PLPPR5: variants seen among roughly 807,000 people sequenced by gnomAD.
The protein encoded by PLPPR5 is phospholipid phosphatase related 5.
Under a neutral mutation model 33.9 loss-of-function variants are expected in PLPPR5, and 16 were observed. The ratio of observed to expected loss-of-function variants is 0.47; its 90% CI spans 0.32 to 0.72. The LOEUF (loss-of-function observed/expected upper bound fraction) is 0.72. Among genes scored for constraint, PLPPR5 ranks in the 30% least tolerant of loss-of-function variants. The probability of loss-of-function intolerance (pLI) is 0.03; values close to 1 mark genes in which losing one functional copy is unlikely to be tolerated. For synonymous variants in PLPPR5, 163 were observed against 150.3 expected, an observed-to-expected ratio of 1.08 and a Z score of -0.62; for missense variants, 301 against 406.7, an observed-to-expected ratio of 0.74 and a Z score of 2.23.
intron 1 of PLPPR5, among the ~76,000 whole-genome samples, chr1:98,993,428 A>G (rs1025397392): frequency 6.6e-6 from 1 of 152,082 alleles, no homozygotes; most frequent in Non-Finnish European, 1.5e-5. Flanking sequence ...TTCATGTGAT[A>G]AGGAGCCAGA....
intron 1 of PLPPR5, among the ~76,000 whole-genome samples, chr1:98,988,842 C>G (rs997072827): frequency 6.6e-6 from 1 of 152,054 alleles, no homozygotes; most frequent in Non-Finnish European, 1.5e-5. Flanking sequence ...TCAATCGGTG[C>G]CTTCTGTGGG....
At chr1:98,919,789 G>A (rs571652415) in intron 4 of PLPPR5, among the ~76,000 whole-genome samples, 1 of 152,232 alleles carries the variant, frequency 6.6e-6, no homozygotes. Context: ...TAGGGTAAAA[G>A]GAACTGAGAG....
intron 3 of PLPPR5, among the ~76,000 whole-genome samples, chr1:98,939,072 T>C (rs1650281505): frequency 6.6e-6 from 1 of 152,052 alleles, no homozygotes; most frequent in Non-Finnish European, 1.5e-5. Flanking sequence ...ACAAACCCCA[T>C]GACACATGTT....
intron 3 of PLPPR5, among the ~76,000 whole-genome samples, chr1:98,938,967 C>T (rs183618347): frequency 6.6e-6 from 1 of 152,038 alleles, no homozygotes; most frequent in Non-Finnish European, 1.5e-5. Context: ...ACACTGGGGC[C>T]TATTGGAGAG....
chr1:98,963,014 G>A (rs1651303078), intron 1 of PLPPR5, among the ~76,000 whole-genome samples: 1 of 152,118 alleles, frequency 6.6e-6, no homozygotes, highest in Non-Finnish European at 1.5e-5. Flanking sequence ...AATTTCATAA[G>A]AGATCATTTA....
rs574714492 is a variant in PLPPR5, at chr1:98,983,578, T to C, written c.237+20857A>G. ...TGCATGTGTCTTTATAGCAGCATGA[T>C]TTATAGTCCTTTGGGTATATACCCA... On this transcript the variant is annotated intron_variant, in intron 1 of 5. Transcript: ENST00000263177. Among the ~76,000 whole-genome samples, 1,469 of 151,172 alleles carry C rather than the reference T, an allele frequency of 9.7e-3. 20 individuals are homozygous for C. The highest frequency in any genetic ancestry group is 0.033 in the African/African-American group (1,372 of 41,124).
At chr1:98,919,754 A>G (rs935564374) in intron 4 of PLPPR5, among the ~76,000 whole-genome samples, 1 of 152,200 alleles carries the variant, frequency 6.6e-6, no homozygotes, top group Non-Finnish European at 1.5e-5. Context: ...TCCTGCAAAT[A>G]CATTTTCAAA....
chr1:98,907,885 T>C (rs1648965975), intron 5 of PLPPR5, among the ~76,000 whole-genome samples: 1 of 152,062 alleles, frequency 6.6e-6, no homozygotes, highest in African/African-American at 2.4e-5. Flanking sequence ...ATTCCAGGAG[T>C]ATGTGCAATC....
intron 3 of PLPPR5, among the ~76,000 whole-genome samples, chr1:98,934,239 G>A (rs1222788060): frequency 2.0e-5 from 3 of 152,126 alleles, no homozygotes; most frequent in Non-Finnish European, 2.9e-5. Context: ...ATATAGTGAG[G>A]GAGCAGAGCA....
rs1341410135 is a variant in PLPPR5 at position 98,892,528 on chromosome 1, A to G, written c.*544T>C. On this transcript the variant is annotated 3_prime_UTR_variant, in exon 6 of 6. Coordinates refer to ENST00000263177, the MANE Select transcript of PLPPR5 (RefSeq NM_001037317.2). Reference sequence around the variant, plus strand: ...ATGTGGAAACATTATTTTACTATAGAACATACTTTCTAAAAATAAAGTAAT... The same window carrying G: ...ATGTGGAAACATTATTTTACTATAGGACATACTTTCTAAAAATAAAGTAAT... 1.3e-5 allele frequency: 2 copies of G among 149,978 alleles called. No individual in the cohort carries two copies. Among genetic ancestry groups the G allele is most frequent in the Non-Finnish European group, 3.0e-5 (2 of 66,722 alleles). The allele number at this position is 149,978 out of a possible 1,614,324, so 9.3% of individuals were successfully genotyped here. A position where few individuals can be genotyped will look rare whatever the true frequency, so the allele number is the denominator to read the frequency against.
At chr1:98,994,926 A>G (rs995728817) in intron 1 of PLPPR5, among the ~76,000 whole-genome samples, 2 of 152,170 alleles carry the variant, frequency 1.3e-5, no homozygotes, top group Admixed American at 6.6e-5. Context: ...TAATCATTAG[A>G]GAAATCCAAA....
At chr1:99,001,432 A>G (rs1429966301) in intron 1 of PLPPR5, among the ~76,000 whole-genome samples, 1 of 151,254 alleles carries the variant, frequency 6.6e-6, no homozygotes. Context: ...ACCGCAACCG[A>G]CCCCCAACTC....
intron 1 of PLPPR5, among the ~76,000 whole-genome samples, chr1:98,969,161 T>C (rs1309891741): frequency 6.6e-6 from 1 of 151,836 alleles, no homozygotes; most frequent in Non-Finnish European, 1.5e-5. Flanking sequence ...AGCTAGCATC[T>C]CAGAAACACT....
At chr1:98,928,966 T>A (rs78896662) in intron 3 of PLPPR5, among the ~76,000 whole-genome samples, 5,879 of 152,248 alleles carry the variant, frequency 0.039, 196 homozygotes, top group African/African-American at 0.09. Context: ...ACTTTTTAAA[T>A]ATGTTACTTC....
intron 1 of PLPPR5, among the ~76,000 whole-genome samples, chr1:98,979,302 A>G (rs1651974870): frequency 2.0e-5 from 3 of 152,144 alleles, no homozygotes; most frequent in Admixed American, 1.3e-4. Flanking sequence ...GTTATGTTCT[A>G]ATTTAAGCTC....
chr1:98,977,465 T>C (rs908408294), intron 1 of PLPPR5, among the ~76,000 whole-genome samples: 6 of 150,996 alleles, frequency 4.0e-5, no homozygotes, highest in Admixed American at 2.7e-4. Flanking sequence ...ATTGGTTCTA[T>C]GAATGTATGC....
At chr1:98,976,524 C>T (rs1651860325) in intron 1 of PLPPR5, among the ~76,000 whole-genome samples, 1 of 151,734 alleles carries the variant, frequency 6.6e-6, no homozygotes, top group African/African-American at 2.4e-5. Context: ...ACTAGGAAAC[C>T]ACCAAGTTTC....
intron 4 of PLPPR5, among the ~76,000 whole-genome samples, chr1:98,916,239 A>G (rs114744567): frequency 0.018 from 2,766 of 152,308 alleles, 91 homozygotes; most frequent in African/African-American, 0.063. Context: ...TTTGCAAATT[A>G]TTATAGATTT....
intron 1 of PLPPR5, among the ~76,000 whole-genome samples, chr1:98,974,139 A>G (rs890160693): frequency 8.6e-5 from 13 of 152,028 alleles, no homozygotes; most frequent in Non-Finnish European, 1.3e-4. Context: ...GGGAGTGGGC[A>G]ATAAAGAGAA....
Sources: gnomAD v4.1 joint callset for allele counts (sites outside exome capture counted in the v4.1 genomes callset) on GRCh38, gnomAD v4.1.1 for gene constraint, MANE v1.5 for transcripts, NCBI Gene and HGNC (gene_info 2026-07-23, HGNC 2026-07-21) for gene names.